GABRG3: variants seen among roughly 807,000 people sequenced by gnomAD.
GABRG3 encodes gamma-aminobutyric acid type A receptor subunit gamma3.
A neutral mutation model predicts 48.8 loss-of-function variants in GABRG3; 25 were observed. The observed-to-expected ratio is 0.51, with a 90% CI of 0.37 to 0.72. The LOEUF is 0.72. GABRG3 is among the 30% of genes least tolerant of loss of function. GABRG3 has a pLI of 0.00. For missense variants in GABRG3, 394 were observed against 577.9 expected (o/e 0.68, Z 3.26); for synonymous variants, 227 against 217.6 (o/e 1.04, Z -0.38).
At chr15:27,170,636 G>A (rs1887536766) in intron 3 of GABRG3, among the ~76,000 whole-genome samples, 2 of 152,166 alleles carry the variant, frequency 1.3e-5, no homozygotes, top group African/African-American at 2.4e-5. Context: ...CAGACCAAAT[G>A]CCTCAGTTAA....
rs554595864 is a variant in GABRG3, at chr15:27,128,016, G to A, written c.270+101195G>A. ...GAAATGTGACCTGGGTATGGAAGGC[G>A]ATAAAATGGACACATCTCATGACAT... On this transcript the variant is annotated intron_variant, in intron 3 of 9. Coordinates refer to ENST00000615808, the MANE Select transcript of GABRG3 (RefSeq NM_033223.5). 7.2e-5 allele frequency among the ~76,000 whole-genome samples: 11 copies of A among 152,242 alleles called. No individual in the cohort carries two copies. The South Asian group carries it at 8.3e-4, about 11-fold the overall frequency.
intron 5 of GABRG3, among the ~76,000 whole-genome samples, chr15:27,338,078 G>A (rs1003797091): frequency 2.0e-5 from 3 of 152,226 alleles, no homozygotes; most frequent in Non-Finnish European, 2.9e-5. Context: ...GTTACTGTTC[G>A]GCTCCTCCTT....
intron 3 of GABRG3, among the ~76,000 whole-genome samples, chr15:27,131,726 G>A (rs1358848467): frequency 2.6e-5 from 4 of 151,872 alleles, no homozygotes; most frequent in Admixed American, 6.6e-5. Context: ...CAGCCATACT[G>A]TTTTCTGTTA....
At chr15:27,307,810 C>CAT (rs1335397034) in intron 3 of GABRG3, among the ~76,000 whole-genome samples, 1 of 100,102 alleles carries the variant, frequency 1.0e-5, no homozygotes, top group Non-Finnish European at 2.0e-5. Context: ...TAAACATAAA[C>CAT]ATATATAAAA....
At chr15:27,496,179 G>A (rs1890482171) in intron 6 of GABRG3, among the ~76,000 whole-genome samples, 1 of 152,214 alleles carries the variant, frequency 6.6e-6, no homozygotes, top group Non-Finnish European at 1.5e-5. Context: ...TGGCCATCTG[G>A]CAGGTATGGA....
Position 27,444,018 on chromosome 15 carries a change from A to G in GABRG3, c.575-36632A>G, listed in dbSNP as rs532454359. Among the ~76,000 whole-genome samples the G allele has an allele frequency of 1.3e-4, 20 of 152,222 alleles. No homozygotes were observed. In the East Asian group the frequency reaches 2.5e-3, roughly 19 times the overall value. On this transcript the variant is annotated intron_variant, in intron 5 of 9. Coordinates refer to ENST00000615808, the MANE Select transcript of GABRG3 (RefSeq NM_033223.5). The stretch of plus-strand genomic sequence containing the variant: ...TGCTATCATTTATTGCTAGATTCGG[A>G]TAGTTAATATTTTGTTGAAGTGTTC...
chr15:27,525,136 G>A (rs3097494), intron 7 of GABRG3, among the ~76,000 whole-genome samples: 94,712 of 151,504 alleles, frequency 0.63, 30,775 homozygotes, highest in African/African-American at 0.81. Flanking sequence ...ACAAACTATC[G>A]ATGAAGCAGC....
chr15:27,495,792 G>A (rs1401800435), intron 6 of GABRG3, among the ~76,000 whole-genome samples: 1 of 152,172 alleles, frequency 6.6e-6, no homozygotes, highest in Non-Finnish European at 1.5e-5. Context: ...AAAAATTCAT[G>A]TAAAATTCCT....
At chr15:27,350,411 A>G (rs1305349490) in intron 5 of GABRG3, 4 of 319,218 alleles carry the variant, frequency 1.3e-5, no homozygotes, top group East Asian at 7.8e-5. Flanking sequence ...ATATTTTCCA[A>G]TTGTTTCTTT....
intron 3 of GABRG3, among the ~76,000 whole-genome samples, chr15:27,199,943 C>T (rs1424576327): frequency 6.6e-6 from 1 of 150,876 alleles, no homozygotes; most frequent in Admixed American, 6.6e-5. Context: ...CTTCATCCTT[C>T]TCTCTTTCCT....
At chr15:27,059,717 T>C (rs1896613025) in intron 3 of GABRG3, among the ~76,000 whole-genome samples, 1 of 152,224 alleles carries the variant, frequency 6.6e-6, no homozygotes, top group South Asian at 2.1e-4. Context: ...GTGAAAGGGT[T>C]TCCTGCCATG....
chr15:27,414,283 C>G (rs1887880440), intron 5 of GABRG3, among the ~76,000 whole-genome samples: 1 of 152,160 alleles, frequency 6.6e-6, no homozygotes, highest in African/African-American at 2.4e-5. Context: ...CTTTCTGGCT[C>G]TTCTTGCCGT....
intron 3 of GABRG3, among the ~76,000 whole-genome samples, chr15:27,265,897 T>TTTTTTG: frequency 6.6e-6 from 1 of 150,594 alleles, no homozygotes; most frequent in Admixed American, 6.6e-5. Context: ...TTTTTTTTTT[T>TTTTTTG]GAGAGTGACC....
At chr15:27,364,999 A>G (rs1595706518) in intron 5 of GABRG3, 1 of 152,150 alleles carries the variant, frequency 6.6e-6, no homozygotes, top group African/African-American at 2.4e-5. Flanking sequence ...TTGATATTTT[A>G]CCACCCAAAG....
chr15:27,291,398 T>A (rs1290971939), intron 3 of GABRG3, among the ~76,000 whole-genome samples: 3 of 152,238 alleles, frequency 2.0e-5, no homozygotes, highest in African/African-American at 7.2e-5. Flanking sequence ...TATGTTAATA[T>A]CTGCCCTGTG....
chr15:27,090,063 G>C (rs920087244), intron 3 of GABRG3, among the ~76,000 whole-genome samples: 2 of 152,196 alleles, frequency 1.3e-5, no homozygotes, highest in Non-Finnish European at 2.9e-5. Context: ...TGTATAGACA[G>C]GTAGTCCCTG....
chr15:27,281,691 C>T (rs1413332962), intron 3 of GABRG3, among the ~76,000 whole-genome samples: 1 of 151,350 alleles, frequency 6.6e-6, no homozygotes, highest in African/African-American at 2.4e-5. Context: ...GAATTTATTC[C>T]TTTCTTTTAT....
rs543393273 is a variant in GABRG3, at chr15:27,155,379, T to G, written c.270+128558T>G. 2.6e-5 allele frequency among the ~76,000 whole-genome samples: 4 copies of G among 152,342 alleles called. No homozygotes were observed. The South Asian group carries it at 8.3e-4, about 32-fold the overall frequency. On this transcript the variant is annotated intron_variant, in intron 3 of 9. Coordinates refer to ENST00000615808, the MANE Select transcript of GABRG3 (RefSeq NM_033223.5). ...ATCTTTTATTATTTTTTAAAATCTT[T>G]GCCACATAATTTTAACATCTTTGCC...
intron 5 of GABRG3, among the ~76,000 whole-genome samples, chr15:27,383,532 T>C (rs1442361173): frequency 6.6e-6 from 1 of 152,174 alleles, no homozygotes; most frequent in Admixed American, 6.5e-5. Flanking sequence ...CAGTCATCTG[T>C]CCAGTCCAGT....
Sources: allele counts gnomAD v4.1 joint callset (sites outside exome capture counted in the v4.1 genomes callset), GRCh38; gene constraint gnomAD v4.1.1; transcripts MANE v1.5; gene names NCBI Gene and HGNC (gene_info 2026-07-23, HGNC 2026-07-21).